CREBBP: variants seen among roughly 807,000 people sequenced by gnomAD.
The protein encoded by CREBBP is CREB-binding protein.
In CREBBP, 19 loss-of-function variants were observed where a neutral mutation model predicts 265.0. The observed-to-expected ratio is 0.07, with a 90% confidence interval of 0.05 to 0.11. The LOEUF (loss-of-function observed/expected upper bound fraction) is 0.11, where lower values mean the gene tolerates loss of function less well. Ranked by LOEUF, CREBBP falls within the 10% of genes least tolerant of loss-of-function variation. The pLI, the probability that CREBBP is intolerant of heterozygous loss-of-function variation, is 1.00. For missense variants in CREBBP, 2,525 were observed against 3,219.0 expected (o/e 0.78, Z 5.22); for synonymous variants, 1,457 against 1,223.7 (o/e 1.19, Z -3.98).
chr16:3,748,276 CAG>C (rs1491118035), intron 21 of CREBBP, among the ~76,000 whole-genome samples: 8 of 147,558 alleles, frequency 5.4e-5, no homozygotes, highest in African/African-American at 1.8e-4. Context: ...AGACTTGTCT[CAG>C]GGGGAAAAAA....
intron 14 of CREBBP, 43 bp downstream of exon 14, chr16:3,770,527 C>T (rs2052975038): frequency 1.9e-6 from 3 of 1,602,314 alleles, no homozygotes; most frequent in Non-Finnish European, 2.6e-6. Flanking sequence ...AAATTATCTT[C>T]TAAGAGTCTT....
At chr16:3,744,067 T>C (rs115967009) in intron 23 of CREBBP, among the ~76,000 whole-genome samples, 87 of 152,122 alleles carry the variant, frequency 5.7e-4, no homozygotes, top group African/African-American at 2.0e-3. Context: ...AGAGCGAGAA[T>C]GTCTCAAATT....
At position 3,773,803 on chromosome 16, in the gene CREBBP, C is replaced by T. The variant is rs2141215108; in HGVS notation, c.2411G>A (p.Gly804Glu). 1.2e-6 allele frequency: 2 copies of T among 1,613,552 alleles called. No homozygotes were observed. The highest frequency in any genetic ancestry group is 1.7e-6 in the Non-Finnish European group (2 of 1,180,026). Residue 804 changes from glycine to glutamate, a missense_variant, in exon 13 of 31, where the codon GGG (glycine) becomes GAG (glutamate). This residue lies in a region of CREBBP where 548 missense variants were observed against 533.0 expected (regional missense o/e 1.03). Coordinates refer to ENST00000262367, the MANE Select transcript of CREBBP (RefSeq NM_004380.3). ...LPQNQFPSSSGAMSVGMGQPP... is the reference protein window; with the variant it reads ...LPQNQFPSSSEAMSVGMGQPP... ...CTGCCCCATGCCCACACTCATCGCC[C>T]CGCTGGATGACGGGAACTGGTTCTG...
At chr16:3,738,049 G>C (rs905398718) in intron 26 of CREBBP, among the ~76,000 whole-genome samples, 3 of 151,550 alleles carry the variant, frequency 2.0e-5, no homozygotes, top group Non-Finnish European at 4.4e-5. Context: ...GCCTCCCAAA[G>C]TGCTGAGATT....
chr16:3,771,837 G>A (rs904456584), intron 13 of CREBBP, among the ~76,000 whole-genome samples: 1 of 146,530 alleles, frequency 6.8e-6, no homozygotes, highest in Non-Finnish European at 1.5e-5. Context: ...AAAAGACAGA[G>A]TCTCGCTCTG....
Position 3,851,004 on chromosome 16 carries a change from C to G in CREBBP, c.91G>C (p.Gly31Arg). 6.2e-7 allele frequency: 1 copy of G among 1,613,302 alleles called. No homozygotes were observed. Among genetic ancestry groups the G allele is most frequent in the Non-Finnish European group, 8.5e-7 (1 of 1,179,414 alleles). Residue 31 changes from glycine to arginine, a missense_variant, in exon 2 of 31, where the codon GGA becomes CGA. Coordinates refer to ENST00000262367, the MANE Select transcript of CREBBP (RefSeq NM_004380.3). ...GFSANDSTDF[G>R]SLFDLENDLP... Reference sequence around the variant, plus strand: ...TCATTTTCCAAGTCAAACAATGATCCAAAATCTAGAAATTAAACAGAAATG... The same window carrying G: ...TCATTTTCCAAGTCAAACAATGATCGAAAATCTAGAAATTAAACAGAAATG...
intron 5 of CREBBP, among the ~76,000 whole-genome samples, chr16:3,783,905 A>G (rs1253696461): frequency 2.0e-5 from 3 of 152,232 alleles, no homozygotes; most frequent in East Asian, 3.8e-4. Flanking sequence ...TTCAAGGTCA[A>G]TTCATCTACC....
intron 3 of CREBBP, among the ~76,000 whole-genome samples, chr16:3,800,426 A>G (rs1164032406): frequency 6.6e-6 from 1 of 152,196 alleles, no homozygotes; most frequent in Non-Finnish European, 1.5e-5. Flanking sequence ...GCCTTCCAGT[A>G]AAAATTCTTA....
At chr16:3,849,409 GTGTGTGTGTGTGTGTGTGTGTGTGT>G (rs2054739402) in intron 2 of CREBBP, among the ~76,000 whole-genome samples, 1 of 5,238 alleles carries the variant, frequency 1.9e-4, no homozygotes, top group African/African-American at 2.2e-4. Context: ...GTGTGTGTGT[GTGTGTGTGTGTGTGTGTGTGTGTGT>G]GTGTGTGTGT....
intron 28 of CREBBP, among the ~76,000 whole-genome samples, chr16:3,735,218 C>G (rs539218474): frequency 2.3e-4 from 35 of 152,214 alleles, no homozygotes; most frequent in Non-Finnish European, 4.1e-4. Flanking sequence ...CTGCCACGCT[C>G]AGAGCACACC....
chr16:3,786,008 T>G (rs1197278124), intron 5 of CREBBP, among the ~76,000 whole-genome samples: 1 of 152,218 alleles, frequency 6.6e-6, no homozygotes, highest in Non-Finnish European at 1.5e-5. Flanking sequence ...TATAGCAGGC[T>G]CTTTCTCGGA....
chr16:3,770,672 C>T lies in CREBBP; in HGVS notation c.2778G>A (p.Val926=), dbSNP rs1301535941. ...PTVQAAAQAQ[V]TPQPQTPVQP... ...GAACTGGGGTTTGAGGCTGCGGGGT[C>T]ACCTGGGCCTGGGCTGCTGCCTGGA... Residue 926 remains valine, a synonymous_variant, in exon 14 of 31, where the codon GTG becomes GTA. Transcript: ENST00000262367. 10 of 1,613,990 alleles carry T rather than the reference C, an allele frequency of 6.2e-6. No homozygotes were observed. Among genetic ancestry groups the T allele is most frequent in the Non-Finnish European group, 8.5e-6 (10 of 1,180,004 alleles).
At chr16:3,766,313 C>T (rs55826476) in intron 16 of CREBBP, among the ~76,000 whole-genome samples, 6,797 of 152,210 alleles carry the variant, frequency 0.045, 359 homozygotes, top group African/African-American at 0.13. Flanking sequence ...GAAAGGGCTA[C>T]GAAAATACTT....
intron 23 of CREBBP, 112 bp from the exon 24 acceptor site, chr16:3,740,661 T>A: frequency 1.6e-6 from 2 of 1,229,572 alleles, no homozygotes; most frequent in Non-Finnish European, 2.4e-6. Context: ...TTTAAAGGAC[T>A]AATGTTCTCC....
chr16:3,826,992 T>C (rs755890184), intron 2 of CREBBP, among the ~76,000 whole-genome samples: 46 of 152,276 alleles, frequency 3.0e-4, no homozygotes, highest in Non-Finnish European at 6.0e-4. Flanking sequence ...AATCTAAAAC[T>C]GTTCTCAACA....
chr16:3,842,625 G>A (rs1283336102), intron 2 of CREBBP, among the ~76,000 whole-genome samples: 2 of 152,086 alleles, frequency 1.3e-5, no homozygotes, highest in African/African-American at 4.8e-5. Flanking sequence ...TTGTCAACAA[G>A]GGTCATGTTT....
chr16:3,786,752 C>A, intron 5 of CREBBP, among the ~76,000 whole-genome samples: 1 of 152,100 alleles, frequency 6.6e-6, no homozygotes, highest in East Asian at 1.9e-4. Flanking sequence ...CCCAAGGATA[C>A]CAAGACACTT....
rs373738646 is a variant in CREBBP at position 3,744,845 on chromosome 16, A to G, written c.3982+49T>C. On this transcript the variant is annotated intron_variant, in intron 23 of 30. Transcript: ENST00000262367. ...AAGAACAATGGGGACAATTTCTACA[A>G]GTTTCTAAAATGTGCAGTCCAGGAA... 1.9e-5 allele frequency: 26 copies of G among 1,388,568 alleles called. No individual in the cohort carries two copies. The East Asian group carries it at 5.7e-4, about 30-fold the overall frequency. 86.0% of individuals were successfully genotyped at this position (1,388,568 alleles called of 1,614,324 possible).
chr16:3,750,640 C>T (rs2052451890), intron 20 of CREBBP, among the ~76,000 whole-genome samples: 1 of 152,232 alleles, frequency 6.6e-6, no homozygotes, highest in Non-Finnish European at 1.5e-5. Context: ...GGATAATAAA[C>T]ACTGGAAATA....
Sources: allele counts gnomAD v4.1 joint callset (sites outside exome capture counted in the v4.1 genomes callset), GRCh38; gene constraint gnomAD v4.1.1; regional missense constraint gnomAD v4.1.1; transcripts MANE v1.5; gene names NCBI Gene and HGNC (gene_info 2026-07-23, HGNC 2026-07-21).